FSTL5: variants seen among roughly 807,000 people sequenced by gnomAD.
The protein encoded by FSTL5 is follistatin like 5, also known as follistatin-related protein 5.
Under a neutral mutation model 89.1 loss-of-function variants are expected in FSTL5, and 62 were observed. That is an observed-to-expected ratio of 0.70 (90% confidence interval 0.57 to 0.86). FSTL5 has a LOEUF of 0.86. Among genes scored for constraint, FSTL5 ranks in the 40% least tolerant of loss-of-function variants. The pLI is 0.00. For missense variants in FSTL5, 1,057 were observed against 1,001.6 expected, an observed-to-expected ratio of 1.06 and a Z score of -0.75; for synonymous variants, 383 against 346.2, an observed-to-expected ratio of 1.11 and a Z score of -1.18.
chr4:161,886,028 T>TA (rs34720174), intron 4 of FSTL5, among the ~76,000 whole-genome samples: 2 of 151,752 alleles, frequency 1.3e-5, no homozygotes, highest in Admixed American at 6.6e-5. Flanking sequence ...AATTATTTGT[T>TA]AAAAAAAAAT....
chr4:161,928,057 C>T (rs1734177338), intron 3 of FSTL5, among the ~76,000 whole-genome samples: 1 of 151,756 alleles, frequency 6.6e-6, no homozygotes, highest in Non-Finnish European at 1.5e-5. Context: ...TCAAGTCAAT[C>T]CCTCCAAGTT....
At chr4:161,557,868 G>A (rs544356347) in intron 8 of FSTL5, among the ~76,000 whole-genome samples, 19 of 151,756 alleles carry the variant, frequency 1.3e-4, no homozygotes, top group Admixed American at 7.3e-4. Flanking sequence ...AATCTAACAC[G>A]TGCATATGTG....
chr4:161,403,403 C>A (rs1731252910), intron 15 of FSTL5, among the ~76,000 whole-genome samples: 1 of 152,084 alleles, frequency 6.6e-6, no homozygotes, highest in Non-Finnish European at 1.5e-5. Flanking sequence ...TAAAGAACTA[C>A]CAATTAATAT....
At chr4:161,908,817 G>A (rs200786569) in intron 4 of FSTL5, among the ~76,000 whole-genome samples, 19 of 151,776 alleles carry the variant, frequency 1.3e-4, no homozygotes, top group Admixed American at 5.9e-4. Flanking sequence ...CTTATGGCTT[G>A]CCTACAGAAT....
intron 8 of FSTL5, among the ~76,000 whole-genome samples, chr4:161,583,781 G>T (rs1733515012): frequency 6.6e-6 from 1 of 152,032 alleles, no homozygotes; most frequent in Non-Finnish European, 1.5e-5. Flanking sequence ...AACTGAAATT[G>T]CCAGCTGCTT....
intron 4 of FSTL5, among the ~76,000 whole-genome samples, chr4:161,840,965 T>C (rs895061002): frequency 6.6e-6 from 1 of 152,140 alleles, no homozygotes; most frequent in African/African-American, 2.4e-5. Context: ...TAGCGCTATT[T>C]CTCCCCCAAC....
At chr4:161,866,484 G>GTGCA (rs1732094992) in intron 4 of FSTL5, among the ~76,000 whole-genome samples, 1 of 148,906 alleles carries the variant, frequency 6.7e-6, no homozygotes, top group Non-Finnish European at 1.5e-5. Flanking sequence ...GTGTGTGTGT[G>GTGCA]TGTGTGTGTG....
chr4:161,462,660 G>C (rs952532996), intron 13 of FSTL5, among the ~76,000 whole-genome samples: 3 of 152,092 alleles, frequency 2.0e-5, no homozygotes, highest in Non-Finnish European at 2.9e-5. Flanking sequence ...AGATAGTAAA[G>C]TACTTAGCGT....
intron 3 of FSTL5, among the ~76,000 whole-genome samples, chr4:162,031,722 G>C (rs1483563): frequency 0.38 from 57,517 of 151,964 alleles, 11,150 homozygotes; most frequent in Middle Eastern, 0.54. Context: ...AGGATTATGA[G>C]GTCAAGAGAT....
intron 4 of FSTL5, among the ~76,000 whole-genome samples, chr4:161,910,740 G>C (rs990129661): frequency 3.3e-5 from 5 of 151,974 alleles, no homozygotes; most frequent in South Asian, 4.2e-4. Context: ...CCCTCTCCCA[G>C]CTTGCTTCTT....
intron 3 of FSTL5, among the ~76,000 whole-genome samples, chr4:162,003,746 AAAT>A (rs1455362062): frequency 1.3e-5 from 2 of 152,216 alleles, no homozygotes; most frequent in Non-Finnish European, 2.9e-5. Context: ...TTAAGCACAA[AAAT>A]AATAAACTAT....
At chr4:162,065,563 G>T (rs1738866593) in intron 2 of FSTL5, among the ~76,000 whole-genome samples, 1 of 151,934 alleles carries the variant, frequency 6.6e-6, no homozygotes, top group Admixed American at 6.6e-5. Flanking sequence ...TAACACATTT[G>T]CAAGGGTATG....
chr4:161,942,848 C>T (rs942143684), intron 3 of FSTL5, among the ~76,000 whole-genome samples: 4 of 151,972 alleles, frequency 2.6e-5, no homozygotes, highest in African/African-American at 4.8e-5. Context: ...AGAGGGAAGG[C>T]ATAAAAGGCA....
At chr4:161,627,625 A>T (rs1452710108) in intron 7 of FSTL5, among the ~76,000 whole-genome samples, 2 of 152,152 alleles carry the variant, frequency 1.3e-5, no homozygotes, top group East Asian at 3.9e-4. Flanking sequence ...AAAAATCTTA[A>T]TGGTTTATTA....
intron 5 of FSTL5, among the ~76,000 whole-genome samples, chr4:161,761,989 G>A (rs772152958): frequency 2.6e-5 from 4 of 152,020 alleles, no homozygotes; most frequent in Non-Finnish European, 5.9e-5. Flanking sequence ...TACTAATGAG[G>A]GAGGTACTTT....
At chr4:161,409,266 T>C (rs1224340801) in intron 15 of FSTL5, among the ~76,000 whole-genome samples, 2 of 152,178 alleles carry the variant, frequency 1.3e-5, no homozygotes, top group African/African-American at 4.8e-5. Flanking sequence ...TTCAGTGTTC[T>C]TAAAGAAAAG....
At chr4:161,891,453 AG>A (rs1423734550) in intron 4 of FSTL5, among the ~76,000 whole-genome samples, 1 of 152,172 alleles carries the variant, frequency 6.6e-6, no homozygotes, top group Non-Finnish European at 1.5e-5. Flanking sequence ...AAACAAAGAC[AG>A]TTTACCCATC....
intron 7 of FSTL5, among the ~76,000 whole-genome samples, chr4:161,614,752 C>G (rs1734779380): frequency 6.6e-6 from 1 of 152,140 alleles, no homozygotes; most frequent in Non-Finnish European, 1.5e-5. Flanking sequence ...ACTCTCATAG[C>G]AACTTATTAC....
intron 10 of FSTL5, among the ~76,000 whole-genome samples, chr4:161,532,194 C>T (rs552482302): frequency 3.2e-4 from 48 of 148,106 alleles, no homozygotes; most frequent in African/African-American, 8.8e-4. Context: ...AGCAAGACTC[C>T]ATCTCCAAAA....
Sources: gnomAD v4.1 joint callset for allele counts (sites outside exome capture counted in the v4.1 genomes callset) on GRCh38, gnomAD v4.1.1 for gene constraint, MANE v1.5 for transcripts, NCBI Gene and HGNC (gene_info 2026-07-23, HGNC 2026-07-21) for gene names.